ERBB4: variants seen among roughly 807,000 people sequenced by gnomAD.
ERBB4 encodes the protein erb-b2 receptor tyrosine kinase 4.
In ERBB4, 42 loss-of-function variants were observed where a neutral mutation model predicts 158.0. The ratio of observed to expected loss-of-function variants is 0.27; its 90% CI spans 0.21 to 0.34. ERBB4 has a LOEUF of 0.34. ERBB4 is among the 10% of genes least tolerant of loss of function. The pLI, the probability that ERBB4 is intolerant of heterozygous loss-of-function variation, is 1.00. For synonymous variants in ERBB4, 583 were observed against 558.7 expected, an observed-to-expected ratio of 1.04 and a Z score of -0.61; for missense variants, 1,333 against 1,624.1, an observed-to-expected ratio of 0.82 and a Z score of 3.08.
intron 1 of ERBB4, among the ~76,000 whole-genome samples, chr2:212,346,470 C>A (rs1264885066): frequency 7.2e-6 from 1 of 139,756 alleles, no homozygotes; most frequent in East Asian, 1.9e-4. Flanking sequence ...ACTTTGCTAT[C>A]TTCCTTCATA....
intron 25 of ERBB4, among the ~76,000 whole-genome samples, chr2:211,406,291 A>C (rs994798759): frequency 1.3e-5 from 2 of 152,164 alleles, no homozygotes; most frequent in African/African-American, 4.8e-5. Context: ...ATTAGTTCAG[A>C]TATATAGTAG....
chr2:212,168,894 G>T (rs2081427768), intron 1 of ERBB4, among the ~76,000 whole-genome samples: 1 of 151,998 alleles, frequency 6.6e-6, no homozygotes, highest in Non-Finnish European at 1.5e-5. Context: ...CAGACTAAAG[G>T]TTTTGTATTT....
intron 1 of ERBB4, among the ~76,000 whole-genome samples, chr2:212,304,897 G>A (rs2086753519): frequency 6.6e-6 from 1 of 151,118 alleles, no homozygotes; most frequent in African/African-American, 2.4e-5. Context: ...ATTAATTTTA[G>A]CATTGTGTGT....
chr2:212,369,693 C>T (rs2090017241), intron 1 of ERBB4, among the ~76,000 whole-genome samples: 1 of 151,964 alleles, frequency 6.6e-6, no homozygotes, highest in Non-Finnish European at 1.5e-5. Context: ...AAGTAATACA[C>T]TACCTTTTTT....
At chr2:211,968,013 A>T (rs1301634569) in intron 2 of ERBB4, among the ~76,000 whole-genome samples, 3 of 151,992 alleles carry the variant, frequency 2.0e-5, no homozygotes, top group Non-Finnish European at 2.9e-5. Context: ...GACTACATAG[A>T]TATATTTAGT....
intron 16 of ERBB4, among the ~76,000 whole-genome samples, chr2:211,632,473 G>A (rs370781719): frequency 1.2e-4 from 19 of 152,058 alleles, no homozygotes; most frequent in Non-Finnish European, 2.1e-4. Flanking sequence ...CCAACATTTC[G>A]TTAATTGTAG....
chr2:212,261,734 T>C (rs78649446), intron 1 of ERBB4, among the ~76,000 whole-genome samples: 1,932 of 152,264 alleles, frequency 0.013, 27 homozygotes, highest in African/African-American at 0.044. Flanking sequence ...TGTAAGAGCT[T>C]TGTTTTATAA....
chr2:212,021,391 G>T (rs2076646076), intron 2 of ERBB4, among the ~76,000 whole-genome samples: 1 of 152,084 alleles, frequency 6.6e-6, no homozygotes, highest in Non-Finnish European at 1.5e-5. Context: ...CAATGGAACA[G>T]AATAGAGAAC....
rs1029672088 is a variant in ERBB4 at position 211,925,545 on chromosome 2, A to AT, written c.421+21884dup. On this transcript the variant is annotated intron_variant, in intron 3 of 27. Coordinates refer to ENST00000342788, the MANE Select transcript of ERBB4 (RefSeq NM_005235.3). The stretch of plus-strand genomic sequence containing the variant: ...TACAGGCACCCGCCACACCTGGCTA[A>AT]TTTTTTTCTGTATTTTTAGTAGAGA... Among the ~76,000 whole-genome samples, 82 of 151,610 alleles carry AT rather than the reference A, an allele frequency of 5.4e-4. 1 individual carries two copies. Among genetic ancestry groups the AT allele is most frequent in the Non-Finnish European group, 1.0e-3 (68 of 67,892 alleles).
At chr2:211,662,373 T>G (rs2071462444) in intron 15 of ERBB4, among the ~76,000 whole-genome samples, 1 of 152,136 alleles carries the variant, frequency 6.6e-6, no homozygotes, top group African/African-American at 2.4e-5. Context: ...AATCTGAACA[T>G]CATTCCTAAG....
At chr2:212,354,295 A>T (rs922535588) in intron 1 of ERBB4, among the ~76,000 whole-genome samples, 3 of 152,094 alleles carry the variant, frequency 2.0e-5, no homozygotes, top group African/African-American at 7.2e-5. Context: ...AGGTCATGTG[A>T]TATTTTTGAA....
intron 16 of ERBB4, among the ~76,000 whole-genome samples, chr2:211,637,512 A>G (rs2070404822): frequency 6.6e-6 from 1 of 152,078 alleles, no homozygotes; most frequent in Non-Finnish European, 1.5e-5. Flanking sequence ...TAATCTAATA[A>G]AAATGAAAAT....
chr2:211,605,184 A>G (rs2068937170), intron 19 of ERBB4, among the ~76,000 whole-genome samples: 1 of 152,188 alleles, frequency 6.6e-6, no homozygotes, highest in Admixed American at 6.5e-5. Flanking sequence ...CAAGCTAATC[A>G]AAATCTAAAT....
At chr2:211,669,554 T>A (rs1309389997) in intron 14 of ERBB4, among the ~76,000 whole-genome samples, 3 of 152,080 alleles carry the variant, frequency 2.0e-5, no homozygotes, top group Non-Finnish European at 4.4e-5. Flanking sequence ...GTAATGAAAG[T>A]AAAGCAGAGT....
At chr2:211,541,975 T>C (rs6747526) in intron 20 of ERBB4, among the ~76,000 whole-genome samples, 73,684 of 151,714 alleles carry the variant, frequency 0.49, 18,257 homozygotes, top group East Asian at 0.72. Flanking sequence ...ACCAAAGATG[T>C]AATAAATAAT....
intron 1 of ERBB4, among the ~76,000 whole-genome samples, chr2:212,409,916 C>A (rs1345580049): frequency 6.6e-6 from 1 of 151,976 alleles, no homozygotes; most frequent in Admixed American, 6.6e-5. Flanking sequence ...AATAGTGAAG[C>A]ACTTTGAAAT....
At chr2:212,192,030 G>T (rs796231404) in intron 1 of ERBB4, among the ~76,000 whole-genome samples, 4 of 14,686 alleles carry the variant, frequency 2.7e-4, no homozygotes, top group Admixed American at 1.1e-3. Context: ...TGTTATATAT[G>T]TTATATGTTA....
chr2:211,544,618 T>A lies in ERBB4; in HGVS notation c.2487+17285A>T, dbSNP rs1476275207. Reference sequence around the variant, plus strand: ...AACAATAATAACAAGAGTGAGAAAATAATAATGATAGCAAAACGTTATTGA... The same window carrying A: ...AACAATAATAACAAGAGTGAGAAAAAAATAATGATAGCAAAACGTTATTGA... On this transcript the variant is annotated intron_variant, in intron 20 of 27. Coordinates refer to ENST00000342788, the MANE Select transcript of ERBB4 (RefSeq NM_005235.3). 2.6e-5 allele frequency among the ~76,000 whole-genome samples: 4 copies of A among 151,900 alleles called. No individual in the cohort carries two copies. In the East Asian group the frequency reaches 7.7e-4, roughly 29 times the overall value.
intron 1 of ERBB4, among the ~76,000 whole-genome samples, chr2:212,536,026 T>C (rs759418810): frequency 6.6e-5 from 10 of 152,232 alleles, no homozygotes; most frequent in Non-Finnish European, 1.0e-4. Context: ...TTAATTTGTT[T>C]CATCTAAAAG....
Sources: gnomAD v4.1 joint callset for allele counts (sites outside exome capture counted in the v4.1 genomes callset) on GRCh38, gnomAD v4.1.1 for gene constraint, MANE v1.5 for transcripts, NCBI Gene and HGNC (gene_info 2026-07-23, HGNC 2026-07-21) for gene names.